The following TCF7 variants were observed in gnomAD, a reference collection of about 807,000 sequenced individuals.
TCF7 encodes transcription factor 7.
Under a neutral mutation model 46.8 loss-of-function variants are expected in TCF7, and 19 were observed. The observed-to-expected ratio is 0.41, with a 90% confidence interval of 0.28 to 0.60. The LOEUF (loss-of-function observed/expected upper bound fraction) is 0.60. TCF7 is among the 20% of genes least tolerant of loss of function. The pLI is 0.35. For missense variants in TCF7, 547 were observed against 504.6 expected (o/e 1.08, Z -0.81); for synonymous variants, 245 against 213.4 (o/e 1.15, Z -1.29).
intron 3 of TCF7, among the ~76,000 whole-genome samples, chr5:134,119,830 A>G (rs945002550): frequency 1.3e-5 from 2 of 152,232 alleles, no homozygotes; most frequent in Non-Finnish European, 2.9e-5. Context: ...CGGCCTCCAC[A>G]CGCCCCAGAG....
intron 3 of TCF7, among the ~76,000 whole-genome samples, chr5:134,137,620 C>A (rs1759087034): frequency 6.6e-6 from 1 of 152,104 alleles, no homozygotes; most frequent in African/African-American, 2.4e-5. Flanking sequence ...GACAAATGGT[C>A]AGACTCAGAA....
intron 5 of TCF7, chr5:134,139,655 G>C (rs899710809): frequency 1.3e-5 from 2 of 152,888 alleles, no homozygotes; most frequent in African/African-American, 4.8e-5. Context: ...TCCTCAGCTG[G>C]AGTTGGGCCT....
At chr5:134,131,083 G>A (rs1389989296) in intron 3 of TCF7, among the ~76,000 whole-genome samples, 1 of 152,178 alleles carries the variant, frequency 6.6e-6, no homozygotes, top group Non-Finnish European at 1.5e-5. Context: ...ATAGGAGTTT[G>A]CCAAGCCAAG....
chr5:134,130,020 A>G (rs1757897407), intron 3 of TCF7, among the ~76,000 whole-genome samples: 1 of 152,208 alleles, frequency 6.6e-6, no homozygotes, highest in Non-Finnish European at 1.5e-5. Context: ...GGCGTCTGGC[A>G]CAGGGCATCC....
Position 134,115,153 on chromosome 5 carries a change from G to A in TCF7, c.247G>A (p.Glu83Lys), listed in dbSNP as rs576904169. The A allele has an allele frequency of 5.5e-4, 565 of 1,020,402 alleles. No homozygotes were observed. The highest frequency in any genetic ancestry group is 6.4e-4 in the Non-Finnish European group (546 of 853,804). 63.2% of individuals were successfully genotyped at this position (1,020,402 alleles called of 1,614,324 possible). Residue 83 changes from glutamate (E) to lysine (K), a missense_variant and splice_region_variant, in exon 1 of 10, where the codon GAG (glutamate) becomes AAG (lysine). Physicochemically the swap from Glu to Lys is moderately conservative, Grantham distance 56. Around this residue, in one of 3 missense-constraint regions of TCF7, gnomAD observed 425 missense variants for 349.9 expected, o/e 1.21. Transcript: ENST00000342854. ...GAGAGARGEA[E>K]ALGREHAAQR... ...CGGCGCCGGGGCCCGCGGCGAGGCC[G>A]AGGTGAGCCCCCGCCGGCGCCGGCT... is the stretch of plus-strand genomic sequence containing the variant.
intron 3 of TCF7, among the ~76,000 whole-genome samples, chr5:134,133,780 A>C (rs1280331709): frequency 1.3e-5 from 2 of 152,072 alleles, no homozygotes; most frequent in Non-Finnish European, 2.9e-5. Context: ...CTGTGGTCTG[A>C]CAGTAGACTC....
rs761097223 is a variant in TCF7, at chr5:134,142,281, G to C, written c.732G>C (p.Glu244Asp). Reference sequence around the variant, plus strand: ...TTGTGCCCCCCTCAGGGAAGCAGGAGCTGCAGCCCTTCGACCGCAACCTGT... The same window carrying C: ...TTGTGCCCCCCTCAGGGAAGCAGGACCTGCAGCCCTTCGACCGCAACCTGT... The part of the protein sequence containing the change: ...PAIVPPSGKQ[E>D]LQPFDRNLKT... Residue 244 changes from glutamate to aspartate, a missense_variant, in exon 6 of 10, where the codon GAG (glutamate) becomes GAC (aspartate). By Grantham distance (45) the Glu-to-Asp change is conservative. Coordinates refer to ENST00000342854, the MANE Select transcript of TCF7 (RefSeq NM_003202.5). The C allele has an allele frequency of 2.5e-6, 4 of 1,597,662 alleles. No individual in the cohort carries two copies. The highest frequency in any genetic ancestry group is 2.6e-6 in the Non-Finnish European group (3 of 1,169,172).
At chr5:134,121,334 A>G (rs1218570020) in intron 3 of TCF7, among the ~76,000 whole-genome samples, 1 of 151,864 alleles carries the variant, frequency 6.6e-6, no homozygotes, top group Non-Finnish European at 1.5e-5. Context: ...CTGTAATCCC[A>G]GCGCTTTGGG....
intron 2 of TCF7, chr5:134,115,646 G>T: frequency 7.0e-7 from 1 of 1,429,540 alleles, no homozygotes; most frequent in Non-Finnish European, 9.1e-7. Flanking sequence ...TGACTAATCC[G>T]CCGCCTTCAG....
In TCF7 at chr5:134,147,659, G is replaced by A. The variant is rs759591062; in HGVS notation, c.*1356G>A. 2 of 152,654 alleles carry A rather than the reference G, an allele frequency of 1.3e-5. No homozygotes were observed. Among genetic ancestry groups the A allele is most frequent in the Admixed American group, 6.5e-5 (1 of 15,302 alleles). The allele number at this position is 152,654 out of a possible 1,614,324, so 9.5% of individuals were successfully genotyped here. A position where few individuals can be genotyped will look rare whatever the true frequency, so the allele number is the denominator to read the frequency against. On this transcript the variant is annotated 3_prime_UTR_variant, in exon 10 of 10. Transcript: ENST00000342854. ...AAAACAAGTCTTTAATTTAATTTTT[G>A]TTTTTTGCCTAAATCCAAAGAAAAA... is the stretch of plus-strand genomic sequence containing the variant.
intron 3 of TCF7, among the ~76,000 whole-genome samples, chr5:134,136,713 A>G (rs1193911172): frequency 6.6e-6 from 1 of 152,132 alleles, no homozygotes; most frequent in Admixed American, 6.5e-5. Flanking sequence ...AGGCCTGGTA[A>G]TAAAGGGGCC....
At chr5:134,133,430 G>A (rs1022642726) in intron 3 of TCF7, among the ~76,000 whole-genome samples, 3 of 152,122 alleles carry the variant, frequency 2.0e-5, no homozygotes, top group Non-Finnish European at 4.4e-5. Context: ...AGGGGAGGGG[G>A]GCTTCAGTCA....
intron 3 of TCF7, among the ~76,000 whole-genome samples, chr5:134,126,455 C>G (rs1464283234): frequency 6.6e-6 from 1 of 152,232 alleles, no homozygotes; most frequent in Non-Finnish European, 1.5e-5. Flanking sequence ...GTTCATTTCA[C>G]CACTGGGTTC....
At position 134,115,030 on chromosome 5, in the gene TCF7, G is replaced by A; in HGVS notation, c.124G>A (p.Ala42Thr). The change falls in exon 1 of 10, where the codon GCC (alanine) becomes ACC (threonine). Residue 42 changes from alanine to threonine, a missense_variant. Coordinates refer to ENST00000342854, the MANE Select transcript of TCF7 (RefSeq NM_003202.5). ...EQDDKSRDSA[A>T]GPERDLAELK... ...GGACGACAAGAGCCGCGACAGCGCC[G>A]CCGGTCCCGAGCGCGACCTGGCCGA... The A allele has an allele frequency of 8.0e-7, 1 of 1,252,498 alleles. No individual in the cohort carries two copies. The highest frequency in any genetic ancestry group is 1.5e-5 in the South Asian group (1 of 66,046). The allele number at this position is 1,252,498 out of a possible 1,614,324, so 77.6% of individuals were successfully genotyped here. A position where few individuals can be genotyped will look rare whatever the true frequency, so the allele number is the denominator to read the frequency against.
intron 3 of TCF7, among the ~76,000 whole-genome samples, chr5:134,122,791 G>A (rs1756786296): frequency 6.6e-6 from 1 of 152,208 alleles, no homozygotes; most frequent in Admixed American, 6.5e-5. Flanking sequence ...GGAGGAAACA[G>A]GTGTTTTATC....
chr5:134,146,538 G>A lies in TCF7; in HGVS notation c.*235G>A. The A allele has an allele frequency of 2.8e-6, 2 of 720,156 alleles. No homozygotes were observed. The highest frequency in any genetic ancestry group is 5.2e-6 in the Non-Finnish European group (2 of 387,636). The allele number at this position is 720,156 out of a possible 1,614,324, so 44.6% of individuals were successfully genotyped here. On this transcript the variant is annotated 3_prime_UTR_variant, in exon 10 of 10. Transcript: ENST00000342854. The stretch of plus-strand genomic sequence containing the variant: ...GTGGCCTAGCAGGCACAGGACACCT[G>A]GCCGCCTCCAGGAGCCTACCCCCTG...
In TCF7 at chr5:134,115,038, C is replaced by T. The variant is rs2149261555; in HGVS notation, c.132C>T (p.Pro44=). Residue 44 remains proline (P), a synonymous_variant, in exon 1 of 10, where the codon CCC becomes CCT. Coordinates refer to ENST00000342854, the MANE Select transcript of TCF7 (RefSeq NM_003202.5). ...AGAGCCGCGACAGCGCCGCCGGTCC[C>T]GAGCGCGACCTGGCCGAGCTCAAGT... is the stretch of plus-strand genomic sequence containing the variant. ...DDKSRDSAAG[P]ERDLAELKSS... The T allele has an allele frequency of 2.4e-6, 3 of 1,242,298 alleles. No homozygotes were observed. Among genetic ancestry groups the T allele is most frequent in the Non-Finnish European group, 3.1e-6 (3 of 967,784 alleles). 77.0% of individuals were successfully genotyped at this position (1,242,298 alleles called of 1,614,324 possible). A position where few individuals can be genotyped will look rare whatever the true frequency, so the allele number is the denominator to read the frequency against.
At chr5:134,136,243 C>T (rs889061653) in intron 3 of TCF7, among the ~76,000 whole-genome samples, 3 of 152,160 alleles carry the variant, frequency 2.0e-5, no homozygotes, top group African/African-American at 7.2e-5. Flanking sequence ...GTGCATGACA[C>T]AGTCCCTGGC....
intron 3 of TCF7, among the ~76,000 whole-genome samples, chr5:134,129,012 G>A (rs1270084089): frequency 6.6e-6 from 1 of 152,246 alleles, no homozygotes; most frequent in East Asian, 1.9e-4. Context: ...CAGAAGTGCT[G>A]CCTGTTGAGG....
Sources: gnomAD v4.1 joint callset for allele counts (sites outside exome capture counted in the v4.1 genomes callset) on GRCh38, gnomAD v4.1.1 for gene constraint, gnomAD v4.1.1 regional missense constraint, MANE v1.5 for transcripts, NCBI Gene and HGNC (gene_info 2026-07-23, HGNC 2026-07-21) for gene names.